PLG: variants seen among roughly 807,000 people sequenced by gnomAD.
PLG encodes plasmin.
PLG carries 41 observed loss-of-function variants against 104.4 expected under a neutral mutation model. The ratio of observed to expected loss-of-function variants is 0.39; its 90% CI spans 0.31 to 0.51. The LOEUF is 0.51. Among genes scored for constraint, PLG ranks in the 20% least tolerant of loss-of-function variants. PLG has a pLI of 0.76. For synonymous variants in PLG, 337 were observed against 357.1 expected (o/e 0.94, Z 0.63); for missense variants, 891 against 1,003.6 (o/e 0.89, Z 1.52).
chr6:160,728,115 A>G (rs1383054115), intron 10 of PLG, among the ~76,000 whole-genome samples: 1 of 152,040 alleles, frequency 6.6e-6, no homozygotes, highest in Non-Finnish European at 1.5e-5. Flanking sequence ...AAGTATATAC[A>G]TGATCAATAT....
Position 160,714,829 on chromosome 6 carries a change from G to A in PLG, c.583G>A (p.Gly195Ser), listed in dbSNP as rs1442647032. 5.0e-6 allele frequency: 8 copies of A among 1,613,334 alleles called. No individual in the cohort carries two copies. Among genetic ancestry groups the A allele is most frequent in the Admixed American group, 1.7e-5 (1 of 59,968 alleles). Residue 195 changes from glycine (G) to serine (S), a missense_variant, in exon 6 of 19, where the codon GGC becomes AGC. Gly to Ser is a moderately conservative substitution (Grantham distance 56). Around this residue, in one of 2 missense-constraint regions of PLG, gnomAD observed 854 missense variants for 932.1 expected, o/e 0.92. Coordinates refer to ENST00000308192, the MANE Select transcript of PLG (RefSeq NM_000301.5). ...GCATTGCAGTGGAGAAAACTATGAC[G>A]GCAAAATTTCCAAGACCATGTCTGG... Reference protein sequence around the residue: ...CMHCSGENYDGKISKTMSGLE... With the variant: ...CMHCSGENYDSKISKTMSGLE...
chr6:160,708,982 A>C (rs1040445285), intron 3 of PLG, among the ~76,000 whole-genome samples: 1 of 151,642 alleles, frequency 6.6e-6, no homozygotes, highest in Non-Finnish European at 1.5e-5. Context: ...AAAAAAAAAA[A>C]CCCTGATTCT....
intron 17 of PLG, among the ~76,000 whole-genome samples, chr6:160,749,572 A>T (rs927795066): frequency 6.8e-6 from 1 of 147,724 alleles, no homozygotes; most frequent in Non-Finnish European, 1.5e-5. Flanking sequence ...ATCAACCATC[A>T]TCACCACCAT....
chr6:160,752,005 T>A lies in PLG; in HGVS notation c.2126-110T>A, dbSNP rs1582955229. On this transcript the variant is annotated intron_variant, in intron 17 of 18. Transcript: ENST00000308192. This position sits in a 1 kb window ranked among gnomAD's most constrained non-coding sequence, Gnocchi z 4.7. Reference sequence around the variant, plus strand: ...TCCAGCGGCATTGGGAGCTGCCTCGTGTTCTGCAGCCTCACAGACAGGAGG... The same window carrying A: ...TCCAGCGGCATTGGGAGCTGCCTCGAGTTCTGCAGCCTCACAGACAGGAGG... The A allele has an allele frequency of 2.2e-6, 2 of 908,130 alleles. No individual in the cohort carries two copies. Among genetic ancestry groups the A allele is most frequent in the Non-Finnish European group, 3.6e-6 (2 of 549,074 alleles). 56.3% of individuals were successfully genotyped at this position (908,130 alleles called of 1,614,324 possible). A position where few individuals can be genotyped will look rare whatever the true frequency, so the allele number is the denominator to read the frequency against.
At chr6:160,702,999 G>A (rs1777448673) in intron 1 of PLG, among the ~76,000 whole-genome samples, 1 of 152,158 alleles carries the variant, frequency 6.6e-6, no homozygotes, top group South Asian at 2.1e-4. Flanking sequence ...GTGTGAATGT[G>A]AGTGTGAGTG....
In PLG at chr6:160,726,869, AC is replaced by A. The variant is rs1777929380; in HGVS notation, c.1257-4181del. On this transcript the variant is annotated intron_variant, in intron 10 of 18. Transcript: ENST00000308192. The surrounding 1 kb of genome is among the most constrained non-coding windows in gnomAD (Gnocchi z 4.4). ...GAACTGTTGATTTAAGATAACTTAAACATCTAGAAAAGGAGAAGCAAATAAG... is the reference window on the plus strand; with the variant it reads ...GAACTGTTGATTTAAGATAACTTAAAATCTAGAAAAGGAGAAGCAAATAAG... Among the ~76,000 whole-genome samples the A allele has an allele frequency of 6.6e-6, 1 of 152,062 alleles. No homozygotes were observed. Among genetic ancestry groups the A allele is most frequent in the South Asian group, 2.1e-4 (1 of 4,832 alleles).
At chr6:160,745,563 C>T (rs1272862159) in intron 17 of PLG, among the ~76,000 whole-genome samples, 1 of 152,140 alleles carries the variant, frequency 6.6e-6, no homozygotes, top group Non-Finnish European at 1.5e-5. Flanking sequence ...AGATGGGTCT[C>T]TTGAAGGTAG....
intron 3 of PLG, chr6:160,708,486 A>G (rs1777573749): frequency 6.6e-6 from 1 of 152,566 alleles, no homozygotes; most frequent in African/African-American, 2.4e-5. Flanking sequence ...AGCATTTCCC[A>G]TCAAGTATAT....
Position 160,732,022 on chromosome 6 carries a change from A to G in PLG, c.1587+129A>G, listed in dbSNP as rs1378097240. ...TAATGGGGGAGAGGGGACAGAAGAAAATATTGGAAAGGCATCAGGGGGCTA... is the reference window on the plus strand; with the variant it reads ...TAATGGGGGAGAGGGGACAGAAGAAGATATTGGAAAGGCATCAGGGGGCTA... On this transcript the variant is annotated intron_variant, in intron 12 of 18. Coordinates refer to ENST00000308192, the MANE Select transcript of PLG (RefSeq NM_000301.5). The surrounding 1 kb of genome is among the most constrained non-coding windows in gnomAD (Gnocchi z 4.5). 18 of 974,638 alleles carry G rather than the reference A, an allele frequency of 1.8e-5. No homozygotes were observed. The highest frequency in any genetic ancestry group is 2.8e-5 in the Non-Finnish European group (17 of 614,730). 60.4% of individuals were successfully genotyped at this position (974,638 alleles called of 1,614,324 possible).
Position 160,744,792 on chromosome 6 carries a change from G to A in PLG, c.2125+3375G>A, listed in dbSNP as rs1255473705. 6.6e-6 allele frequency among the ~76,000 whole-genome samples: 1 copy of A among 151,996 alleles called. No individual in the cohort carries two copies. Among genetic ancestry groups the A allele is most frequent in the Non-Finnish European group, 1.5e-5 (1 of 67,956 alleles). On this transcript the variant is annotated intron_variant, in intron 17 of 18. Transcript: ENST00000308192. This position sits in a 1 kb window ranked among gnomAD's most constrained non-coding sequence, Gnocchi z 4.5. ...ATCTTTCTTCTTGATGCTAGCATTT[G>A]GTGCTATGAATTTCTCTCTTAACAC...
chr6:160,748,072 C>T (rs534541861), intron 17 of PLG, among the ~76,000 whole-genome samples: 4 of 151,750 alleles, frequency 2.6e-5, no homozygotes, highest in East Asian at 2.0e-4. Flanking sequence ...TTTGGGAGGC[C>T]GAGGCAGGCA....
intron 17 of PLG, among the ~76,000 whole-genome samples, chr6:160,742,789 T>G (rs1412643969): frequency 6.6e-6 from 1 of 152,194 alleles, no homozygotes; most frequent in African/African-American, 2.4e-5. Context: ...GATTTTACAT[T>G]TAAGTCTTTA....
At chr6:160,730,774 T>C (rs1476481521) in intron 10 of PLG, 4 of 355,776 alleles carry the variant, frequency 1.1e-5, no homozygotes, top group Non-Finnish European at 2.1e-5. Context: ...GGGGATATTC[T>C]GATCCTTTTA....
chr6:160,731,952 T>G lies in PLG; in HGVS notation c.1587+59T>G. 3.2e-6 allele frequency: 5 copies of G among 1,561,228 alleles called. No individual in the cohort carries two copies. Among genetic ancestry groups the G allele is most frequent in the Non-Finnish European group, 4.4e-6 (5 of 1,133,016 alleles). ...TGCTCACCAATCTTTGCAAACAGAA[T>G]TGGTTCTGTGTTACAGAAAATCTGA... On this transcript the variant is annotated intron_variant, in intron 12 of 18. Coordinates refer to ENST00000308192, the MANE Select transcript of PLG (RefSeq NM_000301.5). This position sits in a 1 kb window ranked among gnomAD's most constrained non-coding sequence, Gnocchi z 5.1.
At position 160,752,304 on chromosome 6, in the gene PLG, G is replaced by T; in HGVS notation, c.2271+44G>T. The T allele has an allele frequency of 2.5e-6, 4 of 1,574,216 alleles. No individual in the cohort carries two copies. The highest frequency in any genetic ancestry group is 3.5e-6 in the Non-Finnish European group (4 of 1,144,120). Reference sequence around the variant, plus strand: ...ACCAAAGTTAGTCTTGTGCTCTCTTGTCTCAGTCTCAGCCCCTCAGACTTC... The same window carrying T: ...ACCAAAGTTAGTCTTGTGCTCTCTTTTCTCAGTCTCAGCCCCTCAGACTTC... On this transcript the variant is annotated intron_variant, in intron 18 of 18. Transcript: ENST00000308192. This position sits in a 1 kb window ranked among gnomAD's most constrained non-coding sequence, Gnocchi z 4.7.
intron 2 of PLG, 105 bp downstream of exon 2, chr6:160,706,647 G>C: frequency 8.6e-7 from 1 of 1,168,404 alleles, no homozygotes; most frequent in Non-Finnish European, 1.3e-6. Flanking sequence ...AATTTATGGA[G>C]CCAGAGTTTG....
intron 9 of PLG, 51 bp from the exon 10 acceptor site, chr6:160,722,357 T>C (rs754567261): frequency 7.0e-6 from 10 of 1,428,044 alleles, no homozygotes; most frequent in Non-Finnish European, 9.9e-6. Flanking sequence ...TGCTTCATGC[T>C]TCTTTTTTTT....
At chr6:160,707,247 C>A (rs181409745) in intron 2 of PLG, among the ~76,000 whole-genome samples, 143 of 152,128 alleles carry the variant, frequency 9.4e-4, no homozygotes, top group African/African-American at 3.4e-3. Context: ...GACTGAGCAC[C>A]CATAGCAGGA....
intron 3 of PLG, among the ~76,000 whole-genome samples, chr6:160,709,757 A>G (rs2115154398): frequency 6.6e-6 from 1 of 152,330 alleles, no homozygotes; most frequent in Admixed American, 6.5e-5. Flanking sequence ...ACTATGTCCC[A>G]ATGAAGATGT....
Sources: allele counts gnomAD v4.1 joint callset (sites outside exome capture counted in the v4.1 genomes callset), GRCh38; gene constraint gnomAD v4.1.1; regional missense constraint gnomAD v4.1.1; non-coding constraint Gnocchi (gnomAD v3.1); transcripts MANE v1.5; gene names NCBI Gene and HGNC (gene_info 2026-07-23, HGNC 2026-07-21).